Variants in PRKCZ observed in about 807,000 individuals in gnomAD.
PRKCZ encodes the protein protein kinase C zeta.
PRKCZ carries 33 observed loss-of-function variants against 79.5 expected under a neutral mutation model. That is an observed-to-expected ratio of 0.41 (90% CI 0.31 to 0.55). The LOEUF is 0.55. Ranked by LOEUF, PRKCZ falls within the 20% of genes least tolerant of loss-of-function variation. PRKCZ has a pLI of 0.19. For synonymous variants in PRKCZ, 342 were observed against 320.9 expected (o/e 1.07, Z -0.70); for missense variants, 578 against 813.5 (o/e 0.71, Z 3.52).
chr1:2,159,165 AGCTGGGGGGCTGT>A (rs2103331291), intron 10 of PRKCZ, among the ~76,000 whole-genome samples: 1 of 152,290 alleles, frequency 6.6e-6, no homozygotes, highest in Admixed American at 6.5e-5. Flanking sequence ...TTAGTCCAAT[AGCTGGGGGGCTGT>A]GAAAACTGCC....
intron 4 of PRKCZ, among the ~76,000 whole-genome samples, chr1:2,115,655 G>A (rs1670614136): frequency 6.6e-6 from 1 of 152,194 alleles, no homozygotes; most frequent in African/African-American, 2.4e-5. Context: ...TGTGAATCGG[G>A]GGTGTCCGTG....
intron 4 of PRKCZ, among the ~76,000 whole-genome samples, chr1:2,061,351 G>A (rs1351102004): frequency 6.6e-6 from 1 of 151,956 alleles, no homozygotes; most frequent in African/African-American, 2.4e-5. Context: ...CAACCTGCCG[G>A]CCTTGCGTAG....
chr1:2,153,535 G>C (rs1462376269), intron 9 of PRKCZ, among the ~76,000 whole-genome samples: 2 of 152,216 alleles, frequency 1.3e-5, no homozygotes, highest in Non-Finnish European at 2.9e-5. Flanking sequence ...TCATCCCTGG[G>C]TGCAGAACTC....
intron 5 of PRKCZ, chr1:2,142,682 T>C (rs1280550909): frequency 6.0e-6 from 1 of 165,554 alleles, no homozygotes; most frequent in Non-Finnish European, 1.3e-5. Flanking sequence ...CGGCTCCTTT[T>C]TCCTGTGACG....
intron 4 of PRKCZ, among the ~76,000 whole-genome samples, chr1:2,072,326 T>C (rs1334833564): frequency 6.6e-6 from 1 of 152,252 alleles, no homozygotes; most frequent in African/African-American, 2.4e-5. Flanking sequence ...GGAGGTTTTA[T>C]TACTGTTCAG....
At chr1:2,184,382 A>T (rs1687218416) in intron 16 of PRKCZ, 3 of 535,366 alleles carry the variant, frequency 5.6e-6, no homozygotes, top group Non-Finnish European at 1.0e-5. Flanking sequence ...GGCATTTCTC[A>T]GCTCGACAAC....
chr1:2,067,024 C>T (rs1021731252), intron 4 of PRKCZ, among the ~76,000 whole-genome samples: 7 of 152,226 alleles, frequency 4.6e-5, no homozygotes, highest in East Asian at 3.8e-4. Flanking sequence ...GTGGTTTCAT[C>T]TTCTATCCAT....
At position 2,050,575 on chromosome 1, in the gene PRKCZ, G is replaced by A. The variant is rs1659546673; in HGVS notation, c.-56G>A. 1.2e-5 allele frequency: 14 copies of A among 1,131,228 alleles called. No homozygotes were observed. The highest frequency in any genetic ancestry group is 1.3e-5 in the Non-Finnish European group (12 of 900,880). The allele number at this position is 1,131,228 out of a possible 1,614,324, so 70.1% of individuals were successfully genotyped here. A position where few individuals can be genotyped will look rare whatever the true frequency, so the allele number is the denominator to read the frequency against. On this transcript the variant is annotated 5_prime_UTR_variant, in exon 1 of 18. Coordinates refer to ENST00000378567, the MANE Select transcript of PRKCZ (RefSeq NM_002744.6). ...CGGCCCCACCTGGAGCCCCCGCCCCGCGCCATGGCCGGAGCTCCCGGGGCG... is the reference window on the plus strand; with the variant it reads ...CGGCCCCACCTGGAGCCCCCGCCCCACGCCATGGCCGGAGCTCCCGGGGCG...
chr1:2,061,001 T>C (rs983412634), intron 4 of PRKCZ, among the ~76,000 whole-genome samples: 19 of 152,200 alleles, frequency 1.2e-4, no homozygotes, highest in Non-Finnish European at 2.5e-4. Context: ...CATAAACACA[T>C]AAATAGGACA....
rs138416461 is a variant in PRKCZ, at chr1:2,136,929, C to A, written c.420+1582C>A. Among the ~76,000 whole-genome samples, 329 of 152,212 alleles carry A rather than the reference C, an allele frequency of 2.2e-3. 1 individual carries two copies. Among genetic ancestry groups the A allele is most frequent in the South Asian group, 6.9e-3 (33 of 4,816 alleles). On this transcript the variant is annotated intron_variant, in intron 5 of 17. Coordinates refer to ENST00000378567, the MANE Select transcript of PRKCZ (RefSeq NM_002744.6). ...GTCAGGGTTCTCCAGAGGGATGGTA[C>A]CAATGGGATGCATGTACATGAAAGG...
chr1:2,059,436 C>G (rs565018123), intron 3 of PRKCZ, 105 bp from the exon 4 acceptor site: 9 of 1,386,568 alleles, frequency 6.5e-6, no homozygotes, highest in African/African-American at 1.4e-5. Context: ...GTGCGCCTTG[C>G]GTGAAGTCCA....
At chr1:2,064,649 G>A (rs1275207831) in intron 4 of PRKCZ, among the ~76,000 whole-genome samples, 1 of 152,168 alleles carries the variant, frequency 6.6e-6, no homozygotes, top group East Asian at 1.9e-4. Context: ...TGGCACCCTT[G>A]TTGAAAATCG....
intron 4 of PRKCZ, among the ~76,000 whole-genome samples, chr1:2,087,917 G>A (rs1228507302): frequency 6.6e-6 from 1 of 152,222 alleles, no homozygotes; most frequent in South Asian, 2.1e-4. Flanking sequence ...TGCACCCGGG[G>A]AGGCCTGGCT....
chr1:2,156,686 G>A (rs1681120878), intron 10 of PRKCZ: 1 of 152,506 alleles, frequency 6.6e-6, no homozygotes, highest in Admixed American at 6.5e-5. Flanking sequence ...GGGAGATAAA[G>A]GAGACTTGGC....
At chr1:2,161,415 G>A (rs143821409) in intron 10 of PRKCZ, among the ~76,000 whole-genome samples, 14 of 152,310 alleles carry the variant, frequency 9.2e-5, no homozygotes, top group African/African-American at 1.2e-4. Context: ...TGCACTCTTC[G>A]GGAACACTGC....
chr1:2,118,713 C>CTGTGCGTG (rs1553153044), intron 4 of PRKCZ, among the ~76,000 whole-genome samples: 1 of 120,626 alleles, frequency 8.3e-6, no homozygotes, highest in Non-Finnish European at 1.7e-5. Flanking sequence ...CACACCAGCT[C>CTGTGCGTG]TGTGTGTGTG....
At chr1:2,063,544 C>T (rs1172830391) in intron 4 of PRKCZ, among the ~76,000 whole-genome samples, 1 of 152,194 alleles carries the variant, frequency 6.6e-6, no homozygotes, top group Non-Finnish European at 1.5e-5. Context: ...AACTCCTGGG[C>T]TCAAGCAGTC....
At chr1:2,105,991 G>T (rs143293721) in intron 4 of PRKCZ, among the ~76,000 whole-genome samples, 3 of 152,326 alleles carry the variant, frequency 2.0e-5, no homozygotes, top group Non-Finnish European at 4.4e-5. Context: ...TCCTGCGTTT[G>T]TGCCCTGTGT....
At chr1:2,108,723 AC>A (rs1158811164) in intron 4 of PRKCZ, among the ~76,000 whole-genome samples, 1 of 151,682 alleles carries the variant, frequency 6.6e-6, no homozygotes, top group Non-Finnish European at 1.5e-5. Context: ...CCTGGTCACC[AC>A]CCCCTGCCTG....
Sources: allele counts gnomAD v4.1 joint callset (sites outside exome capture counted in the v4.1 genomes callset), GRCh38; gene constraint gnomAD v4.1.1; transcripts MANE v1.5; gene names NCBI Gene and HGNC (gene_info 2026-07-23, HGNC 2026-07-21).